Variants in ASB14 observed in about 807,000 individuals in gnomAD.
ASB14 encodes ankyrin repeat and SOCS box containing 14, also known as ankyrin repeat and SOCS box protein 14.
Under a neutral mutation model 55.6 loss-of-function variants are expected in ASB14, and 63 were observed. That is an observed-to-expected ratio of 1.13 (90% CI 0.92 to 1.40). ASB14 has a LOEUF of 1.40. Among genes scored for constraint, ASB14 ranks in the 40% most tolerant of loss-of-function variants. The pLI is 0.00. For synonymous variants in ASB14, 256 were observed against 259.9 expected (o/e 0.98, Z 0.15); for missense variants, 724 against 710.4 (o/e 1.02, Z -0.22).
chr3:57,283,787 GAAAAAAAACAAAC>G (rs1396565200), intron 5 of ASB14, among the ~76,000 whole-genome samples: 1 of 148,488 alleles, frequency 6.7e-6, no homozygotes, highest in African/African-American at 2.5e-5. Flanking sequence ...TTTAAAATAA[GAAAAAAAACAAAC>G]AAAAGACAGC....
At chr3:57,285,055 C>T (rs1466936041) in intron 5 of ASB14, among the ~76,000 whole-genome samples, 2 of 151,510 alleles carry the variant, frequency 1.3e-5, no homozygotes, top group East Asian at 3.9e-4. Flanking sequence ...ATTCTCCTGC[C>T]TCAGCCTCCC....
In ASB14 at chr3:57,277,813, A is replaced by G. The variant is rs577105813; in HGVS notation, c.1539T>C (p.Ala513=). Residue 513 remains alanine, a synonymous_variant, in exon 9 of 11, where the codon GCT becomes GCC. Transcript: ENST00000487349. ...DQVRICSKLK[A]VLQKQGIWSE... is the part of the protein sequence containing the mutation. ...ACCAGATCCCCTGTTTTTGGAGCAC[A>G]GCTTTCAACTTTGAACAGATCCGAA... is the stretch of plus-strand genomic sequence containing the variant. The G allele has an allele frequency of 1.3e-4, 206 of 1,613,454 alleles. 2 individuals carry two copies. In the South Asian group the frequency reaches 2.2e-3, roughly 18 times the overall value.
At chr3:57,278,318 A>C (rs1448319490) in intron 8 of ASB14, 59 bp downstream of exon 8, 3 of 1,409,360 alleles carry the variant, frequency 2.1e-6, no homozygotes, top group Non-Finnish European at 3.0e-6. Context: ...ATTTATTGCC[A>C]TAGTTCCAGG....
chr3:57,273,356 T>C (rs546981204), intron 10 of ASB14: 2 of 152,764 alleles, frequency 1.3e-5, no homozygotes, highest in South Asian at 4.1e-4. Context: ...GGAGAACTTA[T>C]TTTTTCATTT....
chr3:57,272,506 T>G (rs754924988), intron 10 of ASB14: 1 of 152,316 alleles, frequency 6.6e-6, no homozygotes, highest in East Asian at 1.9e-4. Flanking sequence ...TTGCATTATA[T>G]CTAGGAACCA....
chr3:57,274,664 G>A (rs1344856076), intron 10 of ASB14, among the ~76,000 whole-genome samples: 2 of 152,150 alleles, frequency 1.3e-5, no homozygotes, highest in Non-Finnish European at 1.5e-5. Context: ...TCCAGCCTGG[G>A]TGACAGGGCG....
intron 7 of ASB14, 113 bp downstream of exon 7, chr3:57,280,189 A>AAATTT: frequency 4.7e-6 from 2 of 429,934 alleles, no homozygotes; most frequent in Non-Finnish European, 7.7e-6. Flanking sequence ...AAAAAAAAGT[A>AAATTT]TGTTTAGATT....
intron 7 of ASB14, among the ~76,000 whole-genome samples, chr3:57,279,836 G>T (rs1286447841): frequency 1.3e-5 from 2 of 152,146 alleles, no homozygotes; most frequent in Non-Finnish European, 1.5e-5. Flanking sequence ...TAAGGGAATT[G>T]ATCTAGATAA....
intron 9 of ASB14, 36 bp from the exon 10 acceptor site, chr3:57,276,764 G>T (rs768432634): frequency 9.6e-6 from 15 of 1,565,262 alleles, no homozygotes; most frequent in East Asian, 2.3e-5. Flanking sequence ...AAGAGAAAAA[G>T]AACTTTTTTT....
rs1280810304 is a variant in ASB14 at position 57,279,280 on chromosome 3, T to A, written c.888-360A>T. Among the ~76,000 whole-genome samples the A allele has an allele frequency of 1.6e-3, 229 of 143,198 alleles. 2 individuals are homozygous for A. In the East Asian group the frequency reaches 0.019, roughly 12 times the overall value. 93.9% of individuals were successfully genotyped at this position (143,198 alleles called of 152,430 possible). Reference sequence around the variant, plus strand: ...AGAGTTTTTCTTTTTTTTTTTTTTTTTTTTTTTTTTTTGAGACGGAGTTTC... The same window carrying A: ...AGAGTTTTTCTTTTTTTTTTTTTTTATTTTTTTTTTTTGAGACGGAGTTTC... On this transcript the variant is annotated intron_variant, in intron 7 of 10. Transcript: ENST00000487349.
chr3:57,276,446 T>G, intron 10 of ASB14, 82 bp downstream of exon 10: 674 of 1,011,994 alleles, frequency 6.7e-4, no homozygotes, highest in Non-Finnish European at 8.4e-4. Context: ...TAGACTGCAT[T>G]GAGATTTTAG....
intron 6 of ASB14, among the ~76,000 whole-genome samples, chr3:57,282,296 A>G (rs1283199681): frequency 6.6e-6 from 1 of 152,216 alleles, no homozygotes; most frequent in East Asian, 1.9e-4. Context: ...GTGTATTGTT[A>G]AAGAACAAAA....
rs1402221582 is a variant in ASB14, at chr3:57,280,371, G to C, written c.818C>G (p.Ala273Gly). ...DAVALLLEYG[A>G]DANIPKNSGH... ...TGAATTCTTAGGGATGTTGGCATCA[G>C]CTCCATACTCCAGCAAGAGAGCCAC... Residue 273 changes from alanine (A) to glycine (G), a missense_variant, in exon 7 of 11, where the codon GCT (alanine) becomes GGT (glycine). Ala to Gly is a moderately conservative substitution (Grantham distance 60, BLOSUM62 0). Coordinates refer to ENST00000487349, the MANE Select transcript of ASB14 (RefSeq NM_001142733.3). 6.4e-7 allele frequency: 1 copy of C among 1,551,474 alleles called. No individual in the cohort carries two copies. The highest frequency in any genetic ancestry group is 1.4e-5 in the African/African-American group (1 of 73,138).
chr3:57,291,464 C>G (rs1363844419), intron 2 of ASB14, among the ~76,000 whole-genome samples: 1 of 152,162 alleles, frequency 6.6e-6, no homozygotes, highest in Non-Finnish European at 1.5e-5. Flanking sequence ...CTTTCAGAAG[C>G]CTTGTTCAAG....
chr3:57,281,666 C>CA (rs1020249607), intron 6 of ASB14, among the ~76,000 whole-genome samples: 5 of 152,118 alleles, frequency 3.3e-5, no homozygotes, highest in African/African-American at 1.2e-4. Context: ...AACTTTGTAA[C>CA]AACCCCCAGC....
intron 5 of ASB14, 26 bp downstream of exon 5, chr3:57,287,875 C>G: frequency 3.3e-6 from 5 of 1,535,138 alleles, no homozygotes; most frequent in Non-Finnish European, 4.4e-6. Flanking sequence ...GCCACAGACT[C>G]TTTCAGAAAC....
chr3:57,279,054 A>T (rs1427413778), intron 7 of ASB14, 134 bp from the exon 8 acceptor site: 2 of 783,084 alleles, frequency 2.6e-6, no homozygotes, highest in Middle Eastern at 3.8e-4. Context: ...CAAAAAAAAA[A>T]GCATAATTCC....
At chr3:57,284,088 C>CTGTATGTGTGTGTGTGTGTG (rs1553640078) in intron 5 of ASB14, among the ~76,000 whole-genome samples, 2 of 41,396 alleles carry the variant, frequency 4.8e-5, no homozygotes, top group East Asian at 4.1e-3. Context: ...CTTGGGAACA[C>CTGTATGTGTGTGTGTGTGTG]TGTGTATGTG....
intron 5 of ASB14, among the ~76,000 whole-genome samples, chr3:57,287,465 C>T (rs1463371530): frequency 1.3e-5 from 2 of 152,234 alleles, no homozygotes; most frequent in African/African-American, 2.4e-5. Flanking sequence ...CCTAAAATTC[C>T]GTGGTCCAGA....
Sources: gnomAD v4.1 joint callset for allele counts (sites outside exome capture counted in the v4.1 genomes callset) on GRCh38, gnomAD v4.1.1 for gene constraint, MANE v1.5 for transcripts, NCBI Gene and HGNC (gene_info 2026-07-23, HGNC 2026-07-21) for gene names.